Variants in PRKD1 observed in about 807,000 individuals in gnomAD.
PRKD1 encodes the protein serine/threonine-protein kinase D1.
PRKD1 carries 63 observed loss-of-function variants against 95.9 expected under a neutral mutation model. The observed-to-expected ratio is 0.66, with a 90% confidence interval of 0.54 to 0.81. The LOEUF (loss-of-function observed/expected upper bound fraction) is 0.81. Among genes scored for constraint, PRKD1 ranks in the 30% least tolerant of loss-of-function variants. The pLI, the probability that PRKD1 is intolerant of heterozygous loss-of-function variation, is 0.00. For synonymous variants in PRKD1, 425 were observed against 423.1 expected (o/e 1.00, Z -0.05); for missense variants, 1,048 against 1,165.3 (o/e 0.90, Z 1.47).
chr14:29,861,702 G>A (rs536207508), intron 1 of PRKD1, among the ~76,000 whole-genome samples: 1 of 152,086 alleles, frequency 6.6e-6, no homozygotes, highest in South Asian at 2.1e-4. Context: ...ACCCAGGCTG[G>A]AGTGCTGTGA....
intron 1 of PRKD1, among the ~76,000 whole-genome samples, chr14:29,758,087 G>T (rs1001499686): frequency 6.6e-6 from 1 of 151,848 alleles, no homozygotes; most frequent in Non-Finnish European, 1.5e-5. Flanking sequence ...TGATTGCACT[G>T]CATGGAAGCC....
chr14:29,656,489 C>T lies in PRKD1; in HGVS notation c.696+7210G>A, dbSNP rs1179334939. The T allele has an allele frequency of 3.9e-6, 6 of 1,535,582 alleles. No individual in the cohort carries two copies. The East Asian group carries it at 1.5e-4, about 38-fold the overall frequency. On this transcript the variant is annotated intron_variant, in intron 4 of 17. Transcript: ENST00000331968. ...ATTAGTACCTACCTCAAAGCCAGGA[C>T]TCACAGGAGACTGAAACATGAAGTT... is the stretch of plus-strand genomic sequence containing the variant.
chr14:29,781,950 C>A (rs1319405176), intron 1 of PRKD1, among the ~76,000 whole-genome samples: 1 of 152,178 alleles, frequency 6.6e-6, no homozygotes, highest in Non-Finnish European at 1.5e-5. Flanking sequence ...TTTTCAAATT[C>A]TTCTTCTGTG....
chr14:29,744,346 A>T (rs529144894), intron 1 of PRKD1, among the ~76,000 whole-genome samples: 2 of 152,166 alleles, frequency 1.3e-5, no homozygotes, highest in South Asian at 4.2e-4. Context: ...TCTCTCACAT[A>T]TCTAATCTGT....
At chr14:29,709,482 G>A (rs964906356) in intron 2 of PRKD1, among the ~76,000 whole-genome samples, 13 of 152,150 alleles carry the variant, frequency 8.5e-5, no homozygotes, top group African/African-American at 3.1e-4. Flanking sequence ...CAGGGGGACG[G>A]TTGTTATATT....
intron 2 of PRKD1, among the ~76,000 whole-genome samples, chr14:29,722,141 T>C (rs915923726): frequency 3.3e-5 from 5 of 152,216 alleles, no homozygotes; most frequent in African/African-American, 1.2e-4. Flanking sequence ...TGCTGGTAGA[T>C]TGTTAGTTAA....
intron 1 of PRKD1, among the ~76,000 whole-genome samples, chr14:29,833,992 C>T (rs1891515323): frequency 6.6e-6 from 1 of 152,134 alleles, no homozygotes; most frequent in Non-Finnish European, 1.5e-5. Context: ...TCCTAAAGAA[C>T]ATGTCCTTCT....
intron 2 of PRKD1, among the ~76,000 whole-genome samples, chr14:29,685,149 T>G (rs191466410): frequency 1.7e-3 from 257 of 152,284 alleles, no homozygotes; most frequent in Admixed American, 4.3e-3. Flanking sequence ...CCATTCAAAG[T>G]GCAAAGAGTG....
intron 2 of PRKD1, among the ~76,000 whole-genome samples, chr14:29,682,151 G>C (rs937182553): frequency 6.6e-6 from 1 of 152,132 alleles, no homozygotes; most frequent in African/African-American, 2.4e-5. Context: ...TTGTAATTAA[G>C]AATTTAGGTA....
intron 1 of PRKD1, among the ~76,000 whole-genome samples, chr14:29,750,537 C>T (rs1201790547): frequency 3.3e-5 from 5 of 151,930 alleles, no homozygotes; most frequent in Admixed American, 2.6e-4. Flanking sequence ...ATGGCCAGAG[C>T]CTATTCCAGC....
At chr14:29,646,752 G>GAA (rs368156410) in intron 4 of PRKD1, among the ~76,000 whole-genome samples, 3,166 of 122,908 alleles carry the variant, frequency 0.026, 97 homozygotes, top group African/African-American at 0.083. Flanking sequence ...AACAAAAAAC[G>GAA]AAAAAAAAAA....
intron 1 of PRKD1, among the ~76,000 whole-genome samples, chr14:29,778,573 C>A (rs931466465): frequency 6.6e-6 from 1 of 152,106 alleles, no homozygotes; most frequent in African/African-American, 2.4e-5. Context: ...ATACACCCTC[C>A]CAAGACTAAA....
intron 16 of PRKD1, among the ~76,000 whole-genome samples, chr14:29,585,066 T>A (rs183586729): frequency 2.9e-3 from 449 of 152,308 alleles, no homozygotes; most frequent in Non-Finnish European, 4.6e-3. Context: ...TTCTCTTTTT[T>A]TTTTCCCTTT....
chr14:29,900,968 C>T (rs1894298178), intron 1 of PRKD1, among the ~76,000 whole-genome samples: 1 of 152,138 alleles, frequency 6.6e-6, no homozygotes, highest in African/African-American at 2.4e-5. Context: ...ACCATTTGAC[C>T]CAGCAATCCT....
At position 29,630,769 on chromosome 14, in the gene PRKD1, AG is replaced by A. The variant is rs768152355; in HGVS notation, c.1644del (p.Ser549ProfsTer14). The A allele has an allele frequency of 3.7e-6, 6 of 1,614,106 alleles. No individual in the cohort carries two copies. In the South Asian group the frequency reaches 6.6e-5, roughly 18 times the overall value. On this transcript the variant is annotated frameshift_variant, in exon 10 of 18. Coordinates refer to ENST00000331968, the MANE Select transcript of PRKD1 (RefSeq NM_002742.3). LOFTEE classifies it high-confidence loss of function. ...TGCAAGTTGGTTCCTGTACCCACGG[AG>A]GAGCCCTTGGGAATGACGGGCATAA... ...HALMPVIPKGSSVGTGTNLHR... is the reference protein window; with the variant it reads ...HALMPVIPKGXSVGTGTNLHR...
intron 3 of PRKD1, 49 bp downstream of exon 3, chr14:29,666,026 AAC>A: frequency 6.6e-7 from 1 of 1,510,268 alleles, no homozygotes; most frequent in South Asian, 1.4e-5. Flanking sequence ...TGCTGCGATA[AAC>A]ACAGGAGAAC....
At chr14:29,815,435 G>C (rs1197684430) in intron 1 of PRKD1, among the ~76,000 whole-genome samples, 1 of 152,148 alleles carries the variant, frequency 6.6e-6, no homozygotes, top group Non-Finnish European at 1.5e-5. Context: ...GACAGTGAGA[G>C]GGAAAATCTA....
At chr14:29,686,164 G>A (rs983197856) in intron 2 of PRKD1, among the ~76,000 whole-genome samples, 12 of 152,082 alleles carry the variant, frequency 7.9e-5, no homozygotes, top group African/African-American at 2.9e-4. Flanking sequence ...ACCTCTCTTT[G>A]CCTTCCTCTT....
rs866610511 is a variant in PRKD1 at position 29,688,336 on chromosome 14, T to C, written c.404-22128A>G. Among the ~76,000 whole-genome samples the C allele has an allele frequency of 2.0e-5, 3 of 152,130 alleles. No individual in the cohort carries two copies. The South Asian group carries it at 6.2e-4, about 31-fold the overall frequency. ...GCAACCTTAATTCTCTTTTTTCATA[T>C]ACCCTGACATCTTCACAGTTTCCAG... On this transcript the variant is annotated intron_variant, in intron 2 of 17. Coordinates refer to ENST00000331968, the MANE Select transcript of PRKD1 (RefSeq NM_002742.3).
Sources: allele counts gnomAD v4.1 joint callset (sites outside exome capture counted in the v4.1 genomes callset), GRCh38; gene constraint gnomAD v4.1.1; transcripts MANE v1.5; gene names NCBI Gene and HGNC (gene_info 2026-07-23, HGNC 2026-07-21).